Variants in SENP6 observed in about 807,000 individuals in gnomAD.
SENP6 encodes SUMO specific peptidase 6.
In SENP6, 41 loss-of-function variants were observed where a neutral mutation model predicts 134.5. The observed-to-expected ratio is 0.30, with a 90% CI of 0.24 to 0.40. The LOEUF (loss-of-function observed/expected upper bound fraction) is 0.40, where lower values mean the gene tolerates loss of function less well. Ranked by LOEUF, SENP6 falls within the 10% of genes least tolerant of loss-of-function variation. The pLI is 1.00. For synonymous variants in SENP6, 395 were observed against 429.8 expected, an observed-to-expected ratio of 0.92 and a Z score of 1.00; for missense variants, 1,248 against 1,312.5, an observed-to-expected ratio of 0.95 and a Z score of 0.76.
intron 3 of SENP6, among the ~76,000 whole-genome samples, chr6:75,629,404 A>G (rs981962918): frequency 1.3e-5 from 2 of 152,096 alleles, no homozygotes; most frequent in Non-Finnish European, 2.9e-5. Context: ...GGTTCAAGCA[A>G]TTCTCTTGCC....
chr6:75,613,081 T>A (rs1767582129), intron 1 of SENP6, among the ~76,000 whole-genome samples: 1 of 151,188 alleles, frequency 6.6e-6, no homozygotes. Context: ...GCCACTGCAC[T>A]CCAGCCTGCG....
chr6:75,710,871 A>C (rs1775707762), intron 20 of SENP6, among the ~76,000 whole-genome samples: 1 of 152,222 alleles, frequency 6.6e-6, no homozygotes, highest in Non-Finnish European at 1.5e-5. Flanking sequence ...TGGGTTTCTC[A>C]AGGAAAACAG....
At chr6:75,618,705 A>C (rs534252078) in intron 1 of SENP6, among the ~76,000 whole-genome samples, 1 of 152,320 alleles carries the variant, frequency 6.6e-6, no homozygotes, top group African/African-American at 2.4e-5. Flanking sequence ...GTATTAAATA[A>C]ATGTGAGTTC....
chr6:75,670,069 C>T (rs985589890), intron 10 of SENP6, among the ~76,000 whole-genome samples: 4 of 152,076 alleles, frequency 2.6e-5, no homozygotes, highest in African/African-American at 9.7e-5. Flanking sequence ...GAGTAGCCTC[C>T]TGAGTAGCCG....
At chr6:75,640,156 A>C (rs1447692635) in intron 5 of SENP6, among the ~76,000 whole-genome samples, 1 of 152,232 alleles carries the variant, frequency 6.6e-6, no homozygotes, top group African/African-American at 2.4e-5. Flanking sequence ...CTCTTCTGCT[A>C]TGTAGCAACA....
At chr6:75,697,356 T>G (rs1774728528) in intron 17 of SENP6, 69 bp from the exon 18 acceptor site, 2 of 1,089,082 alleles carry the variant, frequency 1.8e-6, no homozygotes, top group South Asian at 1.6e-5. Context: ...TCTTAATTTA[T>G]AAATCACTAC....
intron 3 of SENP6, among the ~76,000 whole-genome samples, chr6:75,629,586 C>T (rs1414231646): frequency 6.6e-6 from 1 of 152,126 alleles, no homozygotes; most frequent in East Asian, 1.9e-4. Flanking sequence ...AGGTGTGAGC[C>T]ACCATGCCCA....
At chr6:75,674,790 C>A (rs2149876844) in intron 11 of SENP6, among the ~76,000 whole-genome samples, 1 of 152,224 alleles carries the variant, frequency 6.6e-6, no homozygotes, top group South Asian at 2.1e-4. Context: ...TTATAAAAAT[C>A]TTCACACTGA....
chr6:75,689,253 T>G (rs1337613470), intron 16 of SENP6, among the ~76,000 whole-genome samples: 1 of 152,058 alleles, frequency 6.6e-6, no homozygotes, highest in Non-Finnish European at 1.5e-5. Context: ...AATAAAATCT[T>G]TATAGATAAG....
At chr6:75,663,932 T>TTATGTG (rs1449122721) in intron 9 of SENP6, among the ~76,000 whole-genome samples, 2 of 152,058 alleles carry the variant, frequency 1.3e-5, no homozygotes, top group Admixed American at 6.5e-5. Flanking sequence ...CTTTTTACTC[T>TTATGTG]TATGTGTATG....
Position 75,716,829 on chromosome 6 carries a change from AAAAG to A in SENP6, c.*1240_*1243del, listed in dbSNP as rs771031058. ...CATATATCAAAAATAGTTGAGAATA[AAAAG>A]AAAGCCTAATCATCAGCAATTATTT... On this transcript the variant is annotated 3_prime_UTR_variant, in exon 24 of 24. Coordinates refer to ENST00000447266, the MANE Select transcript of SENP6 (RefSeq NM_015571.4). 2 of 151,998 alleles carry A rather than the reference AAAAG, an allele frequency of 1.3e-5. No individual in the cohort carries two copies. The highest frequency in any genetic ancestry group is 2.9e-5 in the Non-Finnish European group (2 of 67,854). The allele number at this position is 151,998 out of a possible 1,614,324, so 9.4% of individuals were successfully genotyped here.
At chr6:75,619,840 C>T (rs1342285205) in intron 1 of SENP6, among the ~76,000 whole-genome samples, 1 of 152,056 alleles carries the variant, frequency 6.6e-6, no homozygotes, top group African/African-American at 2.4e-5. Context: ...CCTGTATTCC[C>T]AGCACTTTGA....
At chr6:75,686,445 TC>T (rs1773847294) in intron 16 of SENP6, among the ~76,000 whole-genome samples, 1 of 152,234 alleles carries the variant, frequency 6.6e-6, no homozygotes, top group African/African-American at 2.4e-5. Flanking sequence ...ATTATGATGT[TC>T]GCTGGTTATT....
chr6:75,685,278 C>T (rs1012779907), intron 16 of SENP6, among the ~76,000 whole-genome samples: 3 of 152,000 alleles, frequency 2.0e-5, no homozygotes, highest in African/African-American at 7.3e-5. Context: ...TTTGATTCTT[C>T]TTTATTAGTC....
chr6:75,666,816 A>G lies in SENP6; in HGVS notation c.1099A>G (p.Thr367Ala). ...AGCATGTTCTTCCCCTGCACCATCC[A>G]CTGGAAAAGTAGAAGCAGCGCTAAA... is the stretch of plus-strand genomic sequence containing the variant. ...DSACSSPAPSTGKVEAALNEN... is the reference protein window; with the variant it reads ...DSACSSPAPSAGKVEAALNEN... The change falls in exon 10 of 24, where the codon ACT (threonine) becomes GCT (alanine). Residue 367 changes from threonine to alanine, a missense_variant. By Grantham distance (58) the Thr-to-Ala change is moderately conservative. Around this residue, in one of 3 missense-constraint regions of SENP6, gnomAD observed 733 missense variants for 725.4 expected, o/e 1.01. Coordinates refer to ENST00000447266, the MANE Select transcript of SENP6 (RefSeq NM_015571.4). 3 of 1,613,794 alleles carry G rather than the reference A, an allele frequency of 1.9e-6. No individual in the cohort carries two copies. Among genetic ancestry groups the G allele is most frequent in the Non-Finnish European group, 2.5e-6 (3 of 1,179,682 alleles).
At position 75,623,962 on chromosome 6, in the gene SENP6, C is replaced by A; in HGVS notation, c.207+2C>A. On this transcript the variant is annotated splice_donor_variant, in intron 3 of 23. Transcript: ENST00000447266. LOFTEE classifies it high-confidence loss of function. ...TCTGAAACCTCAAAAGGAAAAAAGG[C>A]AAGTGTTGCTTAAAATATTTTCTTC... 6.2e-7 allele frequency: 1 copy of A among 1,602,618 alleles called. No individual in the cohort carries two copies. The highest frequency in any genetic ancestry group is 8.5e-7 in the Non-Finnish European group (1 of 1,172,564).
At chr6:75,638,555 A>AGTGTGTGTGTGTGT (rs59936116) in intron 5 of SENP6, among the ~76,000 whole-genome samples, 1 of 26,350 alleles carries the variant, frequency 3.8e-5, no homozygotes, top group African/African-American at 1.6e-4. Context: ...TTGTGTGTGT[A>AGTGTGTGTGTGTGT]GTGTGTGTGT....
chr6:75,702,786 A>C lies in SENP6; in HGVS notation c.2430A>C (p.Glu810Asp). 6.2e-7 allele frequency: 1 copy of C among 1,614,120 alleles called. No homozygotes were observed. Among genetic ancestry groups the C allele is most frequent in the Non-Finnish European group, 8.5e-7 (1 of 1,180,016 alleles). ...GTTGTATTTCTTCTTCAGCCAGTGA[A>C]ATGGAGAGTTGTTCACAAAACTCTT... ...EDSCISSSASEMESCSQNSSA... is the reference protein window; with the variant it reads ...EDSCISSSASDMESCSQNSSA... The change falls in exon 19 of 24, where the codon GAA becomes GAC. Residue 810 changes from glutamate (E) to aspartate (D), a missense_variant. Transcript: ENST00000447266.
At chr6:75,623,858 G>GTGAT (rs1444814247) in intron 2 of SENP6, 42 bp from the exon 3 acceptor site, 1 of 1,506,378 alleles carries the variant, frequency 6.6e-7, no homozygotes, top group East Asian at 2.3e-5. Flanking sequence ...TATAAGGATT[G>GTGAT]TGATTGCTAC....
Sources: gnomAD v4.1 joint callset for allele counts (sites outside exome capture counted in the v4.1 genomes callset) on GRCh38, gnomAD v4.1.1 for gene constraint, gnomAD v4.1.1 regional missense constraint, MANE v1.5 for transcripts, NCBI Gene and HGNC (gene_info 2026-07-23, HGNC 2026-07-21) for gene names.